HECTD4: variants seen among roughly 807,000 people sequenced by gnomAD.
HECTD4 encodes the protein HECT domain E3 ubiquitin protein ligase 4.
Under a neutral mutation model 471.5 loss-of-function variants are expected in HECTD4, and 114 were observed. The observed-to-expected ratio is 0.24, with a 90% CI of 0.21 to 0.28. HECTD4 has a LOEUF of 0.28. HECTD4 is among the 10% of genes least tolerant of loss of function. The pLI is 1.00. For synonymous variants in HECTD4, 2,012 were observed against 2,256.0 expected (o/e 0.89, Z 3.07); for missense variants, 3,866 against 5,651.5 (o/e 0.68, Z 10.13).
chr12:112,220,873 G>A (rs754423398), intron 44 of HECTD4, among the ~76,000 whole-genome samples: 5 of 152,116 alleles, frequency 3.3e-5, no homozygotes, highest in South Asian at 2.1e-4. Flanking sequence ...CCAGCACTTC[G>A]GGAGGCTGAG....
intron 7 of HECTD4, among the ~76,000 whole-genome samples, chr12:112,292,456 G>A (rs2034907780): frequency 6.6e-6 from 1 of 152,102 alleles, no homozygotes; most frequent in Non-Finnish European, 1.5e-5. Context: ...TTGAAACTGT[G>A]CTTCTGTCTC....
rs1034508097 is a variant in HECTD4 at position 112,316,526 on chromosome 12, C to T, written c.696-1980G>A. On this transcript the variant is annotated intron_variant, in intron 2 of 75. Transcript: ENST00000682272. ...TCCCTACCACCAAGAGAATGCCTTCCGTGCAGTAAGTGAGCAATAAGGTTT... is the reference window on the plus strand; with the variant it reads ...TCCCTACCACCAAGAGAATGCCTTCTGTGCAGTAAGTGAGCAATAAGGTTT... 3.3e-5 allele frequency among the ~76,000 whole-genome samples: 5 copies of T among 152,136 alleles called. 1 individual carries two copies. Among genetic ancestry groups the T allele is most frequent in the African/African-American group, 7.2e-5 (3 of 41,510 alleles).
chr12:112,202,494 C>T (rs898936230), intron 54 of HECTD4, among the ~76,000 whole-genome samples: 4 of 152,164 alleles, frequency 2.6e-5, no homozygotes, highest in African/African-American at 9.7e-5. Flanking sequence ...GCATGAGCCA[C>T]CACATCTGGC....
rs748296659 is a variant in HECTD4, at chr12:112,273,756, C to T, written c.1841G>A (p.Cys614Tyr). 3.1e-6 allele frequency: 5 copies of T among 1,613,802 alleles called. No individual in the cohort carries two copies. In the African/African-American group the frequency reaches 6.7e-5, roughly 22 times the overall value. The change falls in exon 11 of 76, where the codon TGC becomes TAC. Residue 614 changes from cysteine to tyrosine, a missense_variant. Cys to Tyr is a radical substitution (Grantham distance 194). Transcript: ENST00000682272. ...CCACTGATCGATATAGTCATTTGAG[C>T]ATGTCCATAGCATGTTGTTCACTGT... is the stretch of plus-strand genomic sequence containing the variant. ...YDTVNNMLWT[C>Y]SNDYIDQWCN...
At chr12:112,245,993 A>G (rs924791394) in intron 29 of HECTD4, among the ~76,000 whole-genome samples, 7 of 151,994 alleles carry the variant, frequency 4.6e-5, no homozygotes, top group African/African-American at 1.7e-4. Flanking sequence ...TTAGCTGGGC[A>G]TGGTGGTGAG....
At chr12:112,183,496 A>T (rs892744004) in intron 61 of HECTD4, among the ~76,000 whole-genome samples, 4 of 152,214 alleles carry the variant, frequency 2.6e-5, no homozygotes, top group African/African-American at 9.7e-5. Context: ...AACCCCAGCC[A>T]GGTCTGTGGC....
intron 1 of HECTD4, among the ~76,000 whole-genome samples, chr12:112,368,460 G>A (rs901484257): frequency 2.6e-5 from 4 of 151,988 alleles, no homozygotes; most frequent in South Asian, 2.1e-4. Flanking sequence ...AAATTATTTC[G>A]CTTCCTATAA....
Position 112,233,091 on chromosome 12 carries a change from A to G in HECTD4, c.5916-6T>C. On this transcript the variant is annotated splice_region_variant and splice_polypyrimidine_tract_variant and intron_variant, in intron 37 of 75. Transcript: ENST00000682272. ...AGGGCCGTCCTTCTGAACTACTGAA[A>G]AAAGGCAGGCAGAGAACACAGCACA... is the stretch of plus-strand genomic sequence containing the variant. 1 of 1,602,548 alleles carries G rather than the reference A, an allele frequency of 6.2e-7. No homozygotes were observed. The highest frequency in any genetic ancestry group is 2.2e-5 in the East Asian group (1 of 44,588).
chr12:112,267,732 C>T (rs560864817), intron 13 of HECTD4, among the ~76,000 whole-genome samples: 8 of 152,254 alleles, frequency 5.3e-5, no homozygotes, highest in African/African-American at 1.4e-4. Flanking sequence ...TCAGCTTTTC[C>T]GAAGAGAAGG....
chr12:112,319,582 T>C lies in HECTD4; in HGVS notation c.338A>G (p.His113Arg), dbSNP rs1268243807. ...CTCATCACCTGAACTTTCCCTTTCA[T>C]GCTGTTCTTCTAAGGCCAGCTGGCG... is the stretch of plus-strand genomic sequence containing the variant. ...AQRQLALEEQ[H>R]ERESSGDEET... Residue 113 changes from histidine to arginine, a missense_variant, in exon 2 of 76, where the codon CAT becomes CGT. Around this residue, in one of 16 missense-constraint regions of HECTD4, gnomAD observed 440 missense variants for 636.0 expected, o/e 0.69. Transcript: ENST00000682272. This position sits in a 1 kb window ranked among gnomAD's most constrained non-coding sequence, Gnocchi z 5.3. The C allele has an allele frequency of 1.4e-6, 2 of 1,431,116 alleles. No individual in the cohort carries two copies. Among genetic ancestry groups the C allele is most frequent in the Non-Finnish European group, 1.8e-6 (2 of 1,097,684 alleles). The allele number at this position is 1,431,116 out of a possible 1,614,324, so 88.7% of individuals were successfully genotyped here.
At chr12:112,279,734 T>C (rs2034595622) in intron 8 of HECTD4, among the ~76,000 whole-genome samples, 1 of 152,194 alleles carries the variant, frequency 6.6e-6, no homozygotes, top group Non-Finnish European at 1.5e-5. Flanking sequence ...TTTGTTTGTG[T>C]TTCCCCTAGA....
intron 1 of HECTD4, among the ~76,000 whole-genome samples, chr12:112,379,005 G>A (rs999431836): frequency 2.6e-5 from 4 of 151,956 alleles, no homozygotes; most frequent in Admixed American, 6.6e-5. Flanking sequence ...TTGTGCCACT[G>A]CACTCCAGCC....
rs1226516074 is a variant in HECTD4, at chr12:112,185,362, C to T, written c.9604G>A (p.Ala3202Thr). 1.2e-6 allele frequency: 2 copies of T among 1,607,508 alleles called. No homozygotes were observed. The highest frequency in any genetic ancestry group is 2.7e-5 in the African/African-American group (2 of 74,788). The change falls in exon 61 of 76, where the codon GCC becomes ACC. Residue 3202 changes from alanine (A) to threonine (T), a missense_variant. Ala to Thr is a moderately conservative substitution (Grantham distance 58, BLOSUM62 0). Around this residue, in one of 16 missense-constraint regions of HECTD4, gnomAD observed 364 missense variants for 413.2 expected, o/e 0.88. Transcript: ENST00000682272. Reference sequence around the variant, plus strand: ...GCCAGGCAGGGGTTCAGCTGGAGGGCGATTGAGGAGGACAGGCCAGCGGGG... The same window carrying T: ...GCCAGGCAGGGGTTCAGCTGGAGGGTGATTGAGGAGGACAGGCCAGCGGGG... ...RHPAGLSSSIALQLNPCLAML... is the reference protein window; with the variant it reads ...RHPAGLSSSITLQLNPCLAML...
intron 1 of HECTD4, among the ~76,000 whole-genome samples, chr12:112,331,787 G>T (rs1284857997): frequency 6.6e-6 from 1 of 152,182 alleles, no homozygotes; most frequent in Non-Finnish European, 1.5e-5. Flanking sequence ...AGCTTCACTT[G>T]AGCCAACACT....
intron 23 of HECTD4, among the ~76,000 whole-genome samples, chr12:112,251,414 C>A (rs1326774450): frequency 6.6e-6 from 1 of 152,180 alleles, no homozygotes; most frequent in African/African-American, 2.4e-5. Flanking sequence ...AATAAAGAAG[C>A]CTGATTCTTT....
chr12:112,207,962 G>T lies in HECTD4; in HGVS notation c.8043C>A (p.Thr2681=). The T allele has an allele frequency of 1.2e-6, 2 of 1,613,626 alleles. No individual in the cohort carries two copies. Among genetic ancestry groups the T allele is most frequent in the Admixed American group, 1.7e-5 (1 of 59,964 alleles). ...HYALLVKAWE[T]KVFPTIRRRF... ...GTCTTCGGATGGTAGGAAAAACCTT[G>T]GTCTCCCATGCTTTCACCAGCAGGG... is the stretch of plus-strand genomic sequence containing the variant. The change falls in exon 52 of 76, where the codon ACC becomes ACA. Residue 2681 remains threonine (T), a synonymous_variant. Transcript: ENST00000682272.
At chr12:112,351,885 C>G (rs1484231213) in intron 1 of HECTD4, among the ~76,000 whole-genome samples, 1 of 152,152 alleles carries the variant, frequency 6.6e-6, no homozygotes, top group East Asian at 1.9e-4. Context: ...AGTCACTAAT[C>G]TTTCTGTTAT....
At chr12:112,222,544 G>A (rs976117060) in intron 44 of HECTD4, among the ~76,000 whole-genome samples, 2 of 152,218 alleles carry the variant, frequency 1.3e-5, no homozygotes, top group Admixed American at 6.5e-5. Context: ...GCAGGCACCT[G>A]TATTCCTAGC....
At position 112,163,229 on chromosome 12, in the gene HECTD4, C is replaced by T. The variant is rs767449680; in HGVS notation, c.12933G>A (p.Thr4311=). ...HTMYQVGLME[T]DQHIEFFWGA... ...CCCAGAAGAACTCGATGTGCTGGTCCGTCTCCATCAGCCCCACTTGGTACA... is the reference window on the plus strand; with the variant it reads ...CCCAGAAGAACTCGATGTGCTGGTCTGTCTCCATCAGCCCCACTTGGTACA... Residue 4311 remains threonine (T), a synonymous_variant, in exon 75 of 76, where the codon ACG becomes ACA. Transcript: ENST00000682272. The surrounding 1 kb of genome is among the most constrained non-coding windows in gnomAD (Gnocchi z 8.2). 2.7e-5 allele frequency: 43 copies of T among 1,613,758 alleles called. No homozygotes were observed. Among genetic ancestry groups the T allele is most frequent in the Middle Eastern group, 1.6e-4 (1 of 6,082 alleles).
Sources: allele counts gnomAD v4.1 joint callset (sites outside exome capture counted in the v4.1 genomes callset), GRCh38; gene constraint gnomAD v4.1.1; regional missense constraint gnomAD v4.1.1; non-coding constraint Gnocchi (gnomAD v3.1); transcripts MANE v1.5; gene names NCBI Gene and HGNC (gene_info 2026-07-23, HGNC 2026-07-21).